CNEP1R1: variants seen among roughly 807,000 people sequenced by gnomAD.
The protein encoded by CNEP1R1 is nuclear envelope phosphatase-regulatory subunit 1.
CNEP1R1 carries 10 observed loss-of-function variants against 22.7 expected under a neutral mutation model. The ratio of observed to expected loss-of-function variants is 0.44; its 90% CI spans 0.27 to 0.75. The LOEUF (loss-of-function observed/expected upper bound fraction) is 0.75, where lower values mean the gene tolerates loss of function less well. Among genes scored for constraint, CNEP1R1 ranks in the 30% least tolerant of loss-of-function variants. The pLI is 0.17. For synonymous variants in CNEP1R1, 53 were observed against 50.1 expected, an observed-to-expected ratio of 1.06 and a Z score of -0.25; for missense variants, 73 against 151.5, an observed-to-expected ratio of 0.48 and a Z score of 2.72.
chr16:50,030,271 A>G (rs1306538478), intron 3 of CNEP1R1, among the ~76,000 whole-genome samples: 1 of 152,040 alleles, frequency 6.6e-6, no homozygotes, highest in Non-Finnish European at 1.5e-5. Context: ...GCAAGACCCC[A>G]TCTCTACAAA....
At chr16:50,033,193 A>G (rs2144281353) in intron 3 of CNEP1R1, among the ~76,000 whole-genome samples, 1 of 152,290 alleles carries the variant, frequency 6.6e-6, no homozygotes, top group East Asian at 1.9e-4. Context: ...ATACTGCTAT[A>G]TTTATCTTGC....
chr16:50,026,812 T>G (rs574685771), intron 2 of CNEP1R1: 223 of 191,490 alleles, frequency 1.2e-3, no homozygotes, highest in Non-Finnish European at 2.0e-3. Context: ...CCGTCTCTAC[T>G]AAAAATACGA....
At chr16:50,028,086 TA>T (rs1436205786) in intron 2 of CNEP1R1, among the ~76,000 whole-genome samples, 3 of 152,182 alleles carry the variant, frequency 2.0e-5, no homozygotes, top group African/African-American at 7.2e-5. Context: ...TCCTCCCTAG[TA>T]GCTGAGATTA....
intron 3 of CNEP1R1, 136 bp downstream of exon 3, chr16:50,029,934 T>A (rs2036217476): frequency 1.9e-6 from 1 of 530,068 alleles, no homozygotes; most frequent in Admixed American, 3.7e-5. Context: ...AATATGCCTT[T>A]TATTAATTTG....
At chr16:50,033,629 T>G (rs1376348982) in intron 4 of CNEP1R1, 123 bp downstream of exon 4, 6 of 446,518 alleles carry the variant, frequency 1.3e-5, no homozygotes, top group African/African-American at 2.1e-5. Flanking sequence ...TTTGGGAGGC[T>G]GAGGTGGGTG....
intron 3 of CNEP1R1, 132 bp downstream of exon 3, chr16:50,029,930 C>T: frequency 1.9e-6 from 1 of 528,900 alleles, no homozygotes; most frequent in South Asian, 2.6e-5. Context: ...TAAAAATATG[C>T]CTTTTATTAA....
intron 1 of CNEP1R1, chr16:50,026,188 G>A (rs891928664): frequency 4.3e-6 from 2 of 466,956 alleles, no homozygotes; most frequent in African/African-American, 3.9e-5. Flanking sequence ...TGAGAAATTG[G>A]AATTAAAGAG....
Position 50,025,249 on chromosome 16 carries a change from C to A in CNEP1R1, c.-67C>A. Reference sequence around the variant, plus strand: ...TAGAGGTGGGAGTTGGCGCTGCGGGCCGGGCGGGGGCCGCGGAAGCTGCGA... The same window carrying A: ...TAGAGGTGGGAGTTGGCGCTGCGGGACGGGCGGGGGCCGCGGAAGCTGCGA... On this transcript the variant is annotated 5_prime_UTR_variant, in exon 1 of 6. Coordinates refer to ENST00000427478, the MANE Select transcript of CNEP1R1 (RefSeq NM_001281789.2). 1.5e-6 allele frequency: 2 copies of A among 1,373,702 alleles called. No homozygotes were observed. The highest frequency in any genetic ancestry group is 1.9e-6 in the Non-Finnish European group (2 of 1,066,312). The allele number at this position is 1,373,702 out of a possible 1,614,324, so 85.1% of individuals were successfully genotyped here.
rs190938235 is a variant in CNEP1R1 at position 50,025,280 on chromosome 16, A to C, written c.-36A>C. On this transcript the variant is annotated 5_prime_UTR_variant, in exon 1 of 6. Transcript: ENST00000427478. ...GGGGGCCGCGGAAGCTGCGATGCGG[A>C]CAGGGCAGCGGCGGTGACCCGAGCT... 7.1e-6 allele frequency: 10 copies of C among 1,406,734 alleles called. No homozygotes were observed. Among genetic ancestry groups the C allele is most frequent in the East Asian group, 5.7e-5 (2 of 34,986 alleles). 87.1% of individuals were successfully genotyped at this position (1,406,734 alleles called of 1,614,324 possible). A position where few individuals can be genotyped will look rare whatever the true frequency, so the allele number is the denominator to read the frequency against.
chr16:50,034,033 G>A (rs1597119533), intron 4 of CNEP1R1, 69 bp from the exon 5 acceptor site: 6 of 1,194,710 alleles, frequency 5.0e-6, no homozygotes, highest in Non-Finnish European at 6.0e-6. Flanking sequence ...TTACAGGCTT[G>A]AGCCACCGCA....
At chr16:50,035,342 T>G in intron 5 of CNEP1R1, 75 bp from the exon 6 acceptor site, 1 of 828,102 alleles carries the variant, frequency 1.2e-6, no homozygotes, top group East Asian at 2.7e-5. Flanking sequence ...ACATACCCTT[T>G]AAGGTTTATA....
At chr16:50,025,544 A>T in intron 1 of CNEP1R1, 1 of 1,205,934 alleles carries the variant, frequency 8.3e-7, no homozygotes, top group Non-Finnish European at 1.2e-6. Context: ...CCACAAACCT[A>T]GAGGGTCGAC....
chr16:50,029,726 G>A lies in CNEP1R1; in HGVS notation c.99G>A (p.Met33Ile). 1 of 1,599,232 alleles carries A rather than the reference G, an allele frequency of 6.3e-7. No homozygotes were observed. The highest frequency in any genetic ancestry group is 1.3e-5 in the African/African-American group (1 of 74,676). Reference sequence around the variant, plus strand: ...AATTTCGTGTTTATCTTTCATCAGTGCTTCTTATAGTGGTATCTGTCTGTA... The same window carrying A: ...AATTTCGTGTTTATCTTTCATCAGTACTTCTTATAGTGGTATCTGTCTGTA... ...CLQPATGRWR[M>I]LLIVVSVCTA... The change falls in exon 3 of 6, where the codon ATG becomes ATA. Residue 33 changes from methionine to isoleucine, a missense_variant and splice_region_variant. Coordinates refer to ENST00000427478, the MANE Select transcript of CNEP1R1 (RefSeq NM_001281789.2).
chr16:50,025,231 G>A lies in CNEP1R1; in HGVS notation c.-85G>A, dbSNP rs2036167305. 1.5e-6 allele frequency: 2 copies of A among 1,291,682 alleles called. No individual in the cohort carries two copies. Among genetic ancestry groups the A allele is most frequent in the Admixed American group, 3.6e-5 (1 of 27,766 alleles). 80.0% of individuals were successfully genotyped at this position (1,291,682 alleles called of 1,614,324 possible). On this transcript the variant is annotated 5_prime_UTR_variant, in exon 1 of 6. Coordinates refer to ENST00000427478, the MANE Select transcript of CNEP1R1 (RefSeq NM_001281789.2). ...GGGGCAGCGGGGAGCGGTTAGAGGTGGGAGTTGGCGCTGCGGGCCGGGCGG... is the reference window on the plus strand; with the variant it reads ...GGGGCAGCGGGGAGCGGTTAGAGGTAGGAGTTGGCGCTGCGGGCCGGGCGG...
intron 3 of CNEP1R1, among the ~76,000 whole-genome samples, chr16:50,030,535 T>C (rs1241033859): frequency 2.0e-5 from 3 of 152,198 alleles, no homozygotes; most frequent in Non-Finnish European, 4.4e-5. Flanking sequence ...GGAGATGACT[T>C]TACAGGAAAC....
Position 50,029,029 on chromosome 16 carries a change from G to C in CNEP1R1, c.98-696G>C, listed in dbSNP as rs535185886. ...GCATCCTAGCTGAAAGACAGGCAAC[G>C]GTCATCATCTCCAGAATATTAACTG... On this transcript the variant is annotated intron_variant, in intron 2 of 5. Coordinates refer to ENST00000427478, the MANE Select transcript of CNEP1R1 (RefSeq NM_001281789.2). Among the ~76,000 whole-genome samples, 120 of 152,132 alleles carry C rather than the reference G, an allele frequency of 7.9e-4. 1 individual carries two copies. The highest frequency in any genetic ancestry group is 2.8e-3 in the African/African-American group (116 of 41,514).
chr16:50,025,764 C>G, intron 1 of CNEP1R1: 1 of 1,408,928 alleles, frequency 7.1e-7, no homozygotes, highest in Admixed American at 1.7e-5. Context: ...GGATACCCCA[C>G]CACTCACTCG....
chr16:50,026,041 G>C (rs554533842), intron 1 of CNEP1R1: 1 of 436,466 alleles, frequency 2.3e-6, no homozygotes, highest in Admixed American at 3.9e-5. Context: ...GGTTCCCAGA[G>C]AGCTAAAACT....
chr16:50,025,693 A>G, intron 1 of CNEP1R1: 1 of 1,613,848 alleles, frequency 6.2e-7, no homozygotes, highest in Non-Finnish European at 8.5e-7. Flanking sequence ...GTTTCCGGTA[A>G]CTGCCAAGGT....
Sources: gnomAD v4.1 joint callset for allele counts (sites outside exome capture counted in the v4.1 genomes callset) on GRCh38, gnomAD v4.1.1 for gene constraint, MANE v1.5 for transcripts, NCBI Gene and HGNC (gene_info 2026-07-23, HGNC 2026-07-21) for gene names.